The following ZNF385D variants were observed in gnomAD, a reference collection of about 807,000 sequenced individuals.
ZNF385D encodes the protein zinc finger protein 385D.
In ZNF385D, 15 loss-of-function variants were observed where a neutral mutation model predicts 35.8. The observed-to-expected ratio is 0.42, with a 90% CI of 0.28 to 0.64. ZNF385D has a LOEUF of 0.64. Among genes scored for constraint, ZNF385D ranks in the 30% least tolerant of loss-of-function variants. The pLI is 0.23. For synonymous variants in ZNF385D, 212 were observed against 186.8 expected (o/e 1.13, Z -1.10); for missense variants, 474 against 494.6 (o/e 0.96, Z 0.39).
chr3:22,021,808 T>A (rs1426637767), intron 3 of ZNF385D, among the ~76,000 whole-genome samples: 1 of 152,048 alleles, frequency 6.6e-6, no homozygotes, highest in Non-Finnish European at 1.5e-5. Flanking sequence ...TTGGGGAGCT[T>A]CAGGAATTAC....
chr3:21,640,479 G>C (rs2065571886), intron 2 of ZNF385D, among the ~76,000 whole-genome samples: 1 of 152,076 alleles, frequency 6.6e-6, no homozygotes, highest in Non-Finnish European at 1.5e-5. Flanking sequence ...GGTACTAAGA[G>C]GTGAGACCTT....
intron 3 of ZNF385D, among the ~76,000 whole-genome samples, chr3:22,021,547 G>A (rs566021023): frequency 1.3e-5 from 2 of 152,114 alleles, no homozygotes; most frequent in Admixed American, 6.6e-5. Flanking sequence ...GCTTTAATTC[G>A]CTCAGCCTCA....
chr3:21,631,275 C>G (rs957582960), intron 2 of ZNF385D, among the ~76,000 whole-genome samples: 1 of 152,054 alleles, frequency 6.6e-6, no homozygotes, highest in Non-Finnish European at 1.5e-5. Context: ...TAAGAGTTCT[C>G]CTCTCCTACC....
intron 3 of ZNF385D, among the ~76,000 whole-genome samples, chr3:21,865,029 T>G (rs1575801344): frequency 1.8e-5 from 2 of 113,204 alleles, no homozygotes; most frequent in Non-Finnish European, 3.6e-5. Flanking sequence ...AATTACTCTG[T>G]GGGGTACAGG....
rs185193271 is a variant in ZNF385D, at chr3:21,927,533, G to A, written c.325+241284C>T. The stretch of plus-strand genomic sequence containing the variant: ...ATGGAACAATACTCAGTATTAAAAC[G>A]AAACAAAAAGAGATTGCTGGGCTGA... On this transcript the variant is annotated intron_variant, in intron 3 of 5. Coordinates refer to the ZNF385D transcript ENST00000494108. Among the ~76,000 whole-genome samples the A allele has an allele frequency of 1.8e-3, 280 of 152,136 alleles. 3 individuals carry two copies. The South Asian group carries it at 0.023, about 13-fold the overall frequency.
At chr3:21,675,934 C>A (rs899516638) in intron 1 of ZNF385D, among the ~76,000 whole-genome samples, 1 of 152,104 alleles carries the variant, frequency 6.6e-6, no homozygotes, top group Non-Finnish European at 1.5e-5. Context: ...ACTAATTCTA[C>A]TTAATGATGA....
intron 3 of ZNF385D, among the ~76,000 whole-genome samples, chr3:21,813,080 C>A (rs1480913142): frequency 6.6e-6 from 1 of 152,314 alleles, no homozygotes; most frequent in Non-Finnish European, 1.5e-5. Context: ...CCCAGGCAAA[C>A]AGGGTCTGGA....
rs191910914 is a variant in ZNF385D, at chr3:22,137,471, C to T, written c.325+31346G>A. ...AACAGCACATCAAAAAGCTTATCCACCATGATCAAATGGGCTTCATCCCTG... is the reference window on the plus strand; with the variant it reads ...AACAGCACATCAAAAAGCTTATCCATCATGATCAAATGGGCTTCATCCCTG... On this transcript the variant is annotated intron_variant, in intron 3 of 5. Transcript: ENST00000494108. Among the ~76,000 whole-genome samples the T allele has an allele frequency of 2.0e-5, 3 of 152,296 alleles. No individual in the cohort carries two copies. The East Asian group carries it at 5.8e-4, about 29-fold the overall frequency.
chr3:22,164,885 T>C (rs1031404204), intron 3 of ZNF385D, among the ~76,000 whole-genome samples: 1 of 152,132 alleles, frequency 6.6e-6, no homozygotes, highest in Non-Finnish European at 1.5e-5. Context: ...AAAAGTTACA[T>C]GCATATTACT....
intron 3 of ZNF385D, among the ~76,000 whole-genome samples, chr3:22,122,019 T>C (rs1703114410): frequency 6.6e-6 from 1 of 152,150 alleles, no homozygotes; most frequent in African/African-American, 2.4e-5. Context: ...ATTACTGAGA[T>C]GACACCAGCC....
At chr3:22,358,533 G>T (rs1553656199) in intron 2 of ZNF385D, among the ~76,000 whole-genome samples, 1 of 151,790 alleles carries the variant, frequency 6.6e-6, no homozygotes, top group Non-Finnish European at 1.5e-5. Context: ...AGTAATTGAT[G>T]AAATGTTTAG....
intron 3 of ZNF385D, among the ~76,000 whole-genome samples, chr3:22,148,215 G>A (rs1016537561): frequency 6.6e-6 from 1 of 152,136 alleles, no homozygotes; most frequent in African/African-American, 2.4e-5. Flanking sequence ...GCATGATGGA[G>A]TGGTCAAATC....
chr3:21,780,035 G>T (rs929845159), intron 3 of ZNF385D, among the ~76,000 whole-genome samples: 5 of 151,888 alleles, frequency 3.3e-5, no homozygotes, highest in African/African-American at 1.2e-4. Context: ...TGTGTTACAT[G>T]AAAGTGACTT....
intron 2 of ZNF385D, among the ~76,000 whole-genome samples, chr3:22,249,550 A>C (rs1699961887): frequency 6.6e-6 from 1 of 152,226 alleles, no homozygotes; most frequent in South Asian, 2.1e-4. Context: ...AGAACAGTGC[A>C]ATGCATATCT....
At position 22,285,136 on chromosome 3, in the gene ZNF385D, C is replaced by G. The variant is rs143508248; in HGVS notation, c.106+87314G>C. ...TAGAGGTAGTATTTCCCTGGCAAAC[C>G]AACTGAATCACCAATTTTGTTACAA... On this transcript the variant is annotated intron_variant, in intron 2 of 5. Coordinates refer to the ZNF385D transcript ENST00000494108. Among the ~76,000 whole-genome samples, 90 of 152,180 alleles carry G rather than the reference C, an allele frequency of 5.9e-4. 2 individuals carry two copies. The East Asian group carries it at 0.014, about 24-fold the overall frequency.
rs923094297 is a variant in ZNF385D, at chr3:21,680,187, C to T, written c.23-15159G>A. The stretch of plus-strand genomic sequence containing the variant: ...TCTTTCATTCCTCTCAGATTTACTT[C>T]TTGGCTCACTCGTTCTTTCTCACAA... On this transcript the variant is annotated intron_variant, in intron 1 of 7. Transcript: ENST00000281523. Among the ~76,000 whole-genome samples, 19 of 152,068 alleles carry T rather than the reference C, an allele frequency of 1.2e-4. No individual in the cohort carries two copies. The East Asian group carries it at 1.9e-3, about 15-fold the overall frequency.
intron 2 of ZNF385D, among the ~76,000 whole-genome samples, chr3:22,292,493 C>A (rs1702350194): frequency 1.3e-5 from 2 of 151,942 alleles, no homozygotes; most frequent in Admixed American, 1.3e-4. Flanking sequence ...TACTTGATCG[C>A]CCAGTACTGG....
At chr3:22,182,336 A>G (rs1695334410) in intron 2 of ZNF385D, among the ~76,000 whole-genome samples, 1 of 152,178 alleles carries the variant, frequency 6.6e-6, no homozygotes, top group South Asian at 2.1e-4. Flanking sequence ...AATGAATTAA[A>G]TATCCCAGCT....
intron 3 of ZNF385D, among the ~76,000 whole-genome samples, chr3:21,902,553 C>T (rs981141077): frequency 7.2e-5 from 11 of 151,976 alleles, no homozygotes; most frequent in Non-Finnish European, 1.6e-4. Flanking sequence ...TTCATTGAGA[C>T]GATAAACGAA....
Sources: allele counts gnomAD v4.1 joint callset (sites outside exome capture counted in the v4.1 genomes callset), GRCh38; gene constraint gnomAD v4.1.1; transcripts MANE v1.5; gene names NCBI Gene and HGNC (gene_info 2026-07-23, HGNC 2026-07-21).